The following BPTF variants were observed in gnomAD, a reference collection of about 807,000 sequenced individuals.
BPTF encodes the protein bromodomain PHD finger transcription factor.
In BPTF, 18 loss-of-function variants were observed where a neutral mutation model predicts 292.5. The observed-to-expected ratio is 0.06, with a 90% CI of 0.04 to 0.09. BPTF has a LOEUF of 0.09. Ranked by LOEUF, BPTF falls within the 10% of genes least tolerant of loss-of-function variation. BPTF has a pLI of 1.00. For synonymous variants in BPTF, 1,225 were observed against 1,251.9 expected (o/e 0.98, Z 0.45); for missense variants, 2,726 against 3,498.7 (o/e 0.78, Z 5.57).
chr17:67,889,139 T>G (rs938368759), intron 4 of BPTF, among the ~76,000 whole-genome samples: 1 of 152,182 alleles, frequency 6.6e-6, no homozygotes, highest in African/African-American at 2.4e-5. Flanking sequence ...ATCTGTAGCC[T>G]GCTGCCAGGC....
At chr17:67,893,956 G>T in intron 6 of BPTF, 78 bp from the exon 7 acceptor site, 1 of 1,539,944 alleles carries the variant, frequency 6.5e-7, no homozygotes, top group South Asian at 1.2e-5. Context: ...TCAGATGGAG[G>T]CCAAAGTTAC....
At chr17:67,895,328 A>G (rs1308410183) in intron 7 of BPTF, among the ~76,000 whole-genome samples, 8 of 100,780 alleles carry the variant, frequency 7.9e-5, no homozygotes, top group African/African-American at 3.7e-4. Context: ...GCAAGACTTC[A>G]TCTCAAAAAA....
intron 7 of BPTF, among the ~76,000 whole-genome samples, chr17:67,901,839 G>A (rs1270542610): frequency 1.3e-5 from 2 of 152,218 alleles, no homozygotes; most frequent in Non-Finnish European, 2.9e-5. Flanking sequence ...AGCATTTTCA[G>A]TGCAAGAACT....
At chr17:67,851,203 A>G (rs992671016) in intron 1 of BPTF, among the ~76,000 whole-genome samples, 4 of 151,650 alleles carry the variant, frequency 2.6e-5, no homozygotes, top group Non-Finnish European at 2.9e-5. Context: ...CATGAGGTCC[A>G]GTCACAAGGG....
At chr17:67,915,514 C>T (rs531423781) in intron 11 of BPTF, among the ~76,000 whole-genome samples, 81 of 152,274 alleles carry the variant, frequency 5.3e-4, no homozygotes, top group Non-Finnish European at 1.0e-3. Context: ...TTTGGTACAG[C>T]GCATTCTGGC....
intron 1 of BPTF, among the ~76,000 whole-genome samples, chr17:67,843,619 T>C (rs1341455951): frequency 6.7e-6 from 1 of 149,690 alleles, no homozygotes; most frequent in Non-Finnish European, 1.5e-5. Context: ...AATATCTGTA[T>C]ATATCTAGAT....
At position 67,983,189 on chromosome 17, in the gene BPTF, C is replaced by G. The variant is rs1287230707; in HGVS notation, c.*901C>G. 2 of 152,576 alleles carry G rather than the reference C, an allele frequency of 1.3e-5. No homozygotes were observed. Among genetic ancestry groups the G allele is most frequent in the African/African-American group, 4.8e-5 (2 of 41,420 alleles). The allele number at this position is 152,576 out of a possible 1,614,324, so 9.5% of individuals were successfully genotyped here. A position where few individuals can be genotyped will look rare whatever the true frequency, so the allele number is the denominator to read the frequency against. On this transcript the variant is annotated 3_prime_UTR_variant, in exon 28 of 28. Transcript: ENST00000306378. ...TCTTTGAATGTGCGCTAATGATTAT[C>G]TGTAAGCCTTTGTGGGGAGGGAGGC...
chr17:67,879,993 C>T (rs546856038), intron 4 of BPTF, among the ~76,000 whole-genome samples: 3 of 152,174 alleles, frequency 2.0e-5, no homozygotes, highest in Non-Finnish European at 4.4e-5. Context: ...CAAACTACAG[C>T]AGTGGGCTAT....
chr17:67,872,750 A>G (rs2059821391), intron 3 of BPTF, among the ~76,000 whole-genome samples: 1 of 152,186 alleles, frequency 6.6e-6, no homozygotes, highest in Non-Finnish European at 1.5e-5. Context: ...GCCTCTAAGA[A>G]AAACAGATAA....
Position 67,911,354 on chromosome 17 carries a change from C to T in BPTF, c.3470C>T (p.Thr1157Ile), listed in dbSNP as rs372625079. Residue 1157 changes from threonine to isoleucine, a missense_variant, in exon 11 of 28, where the codon ACA (threonine) becomes ATA (isoleucine). This residue lies in a region of BPTF where 713 missense variants were observed against 714.9 expected (regional missense o/e 1.00). Transcript: ENST00000306378. ...AGAATGAGTGATCCTAGTCATACCA[C>T]AAACAAACTTTATCCAAAAGATCGA... ...VLRMSDPSHT[T>I]NKLYPKDRVL... 11 of 1,614,108 alleles carry T rather than the reference C, an allele frequency of 6.8e-6. No homozygotes were observed. The African/African-American group carries it at 9.3e-5, about 14-fold the overall frequency.
chr17:67,982,316 C>T lies in BPTF; in HGVS notation c.*28C>T, dbSNP rs1555697089. Reference sequence around the variant, plus strand: ...TTCAGCGTGTTAACCTAACATAAAACACAGCAAGAATCTGGTTGTCTGAAC... The same window carrying T: ...TTCAGCGTGTTAACCTAACATAAAATACAGCAAGAATCTGGTTGTCTGAAC... On this transcript the variant is annotated 3_prime_UTR_variant, in exon 28 of 28. Coordinates refer to ENST00000306378, the MANE Select transcript of BPTF (RefSeq NM_182641.4). 6.9e-6 allele frequency: 11 copies of T among 1,593,966 alleles called. No individual in the cohort carries two copies. Among genetic ancestry groups the T allele is most frequent in the Admixed American group, 1.7e-5 (1 of 59,554 alleles).
chr17:67,935,752 G>A (rs2064860734), intron 18 of BPTF, among the ~76,000 whole-genome samples: 1 of 152,100 alleles, frequency 6.6e-6, no homozygotes, highest in African/African-American at 2.4e-5. Context: ...GCTACTTGAG[G>A]TCAAGGCAGG....
rs991277062 is a variant in BPTF at position 67,870,829 on chromosome 17, G to C, written c.1661-3988G>C. Among the ~76,000 whole-genome samples, 4 of 140,594 alleles carry C rather than the reference G, an allele frequency of 2.8e-5. No individual in the cohort carries two copies. The Admixed American group carries it at 2.9e-4, about 10-fold the overall frequency. The allele number at this position is 140,594 out of a possible 152,430, so 92.2% of individuals were successfully genotyped here. A position where few individuals can be genotyped will look rare whatever the true frequency, so the allele number is the denominator to read the frequency against. On this transcript the variant is annotated intron_variant, in intron 3 of 27. Transcript: ENST00000306378. ...CTGTCGCCCAGGCTGGAGTGCAGTG[G>C]CGGGATCTCGGCTCACTGCAAGCTC...
chr17:67,860,354 C>T (rs571667207), intron 2 of BPTF, among the ~76,000 whole-genome samples: 2 of 152,120 alleles, frequency 1.3e-5, no homozygotes, highest in Non-Finnish European at 2.9e-5. Context: ...AGAATTTTCA[C>T]GCAGTTTATA....
At chr17:67,862,234 C>T (rs983447230) in intron 2 of BPTF, among the ~76,000 whole-genome samples, 20 of 152,144 alleles carry the variant, frequency 1.3e-4, no homozygotes, top group East Asian at 1.9e-4. Context: ...CCTCGGACTC[C>T]GAAAGTGCTG....
intron 1 of BPTF, among the ~76,000 whole-genome samples, chr17:67,835,429 G>C (rs567526075): frequency 2.0e-4 from 31 of 152,274 alleles, no homozygotes; most frequent in South Asian, 8.3e-4. Flanking sequence ...TTTTTCTCTA[G>C]CCTTTTATTT....
chr17:67,826,170 A>G lies in BPTF; in HGVS notation c.446A>G (p.Asp149Gly). The G allele has an allele frequency of 6.3e-7, 1 of 1,575,330 alleles. No individual in the cohort carries two copies. Among genetic ancestry groups the G allele is most frequent in the Non-Finnish European group, 8.7e-7 (1 of 1,145,086 alleles). Residue 149 changes from aspartate to glycine, a missense_variant, in exon 1 of 28, where the codon GAC becomes GGC. This residue lies in a region of BPTF where 153 missense variants were observed against 178.3 expected (regional missense o/e 0.86). Coordinates refer to ENST00000306378, the MANE Select transcript of BPTF (RefSeq NM_182641.4). ...GTCTCCGAGGAGGAGGAGGAGGAGG[A>G]CGGCGACGCCGAGGAGACCCAGGAT... ...DMVSEEEEEE[D>G]GDAEETQDSE...
chr17:67,882,760 A>C (rs924704305), intron 4 of BPTF, among the ~76,000 whole-genome samples: 3 of 151,736 alleles, frequency 2.0e-5, no homozygotes, highest in Non-Finnish European at 4.4e-5. Context: ...TAATCCCAGC[A>C]CTTTGGGAGG....
intron 1 of BPTF, among the ~76,000 whole-genome samples, chr17:67,851,273 T>C (rs1294443815): frequency 3.6e-5 from 4 of 110,374 alleles, no homozygotes; most frequent in South Asian, 2.4e-4. Context: ...GATTTTCTGC[T>C]TTTTTTTTTT....
Sources: allele counts gnomAD v4.1 joint callset (sites outside exome capture counted in the v4.1 genomes callset), GRCh38; gene constraint gnomAD v4.1.1; regional missense constraint gnomAD v4.1.1; transcripts MANE v1.5; gene names NCBI Gene and HGNC (gene_info 2026-07-23, HGNC 2026-07-21).